ZSWIM5: variants seen among roughly 807,000 people sequenced by gnomAD.
ZSWIM5 encodes zinc finger SWIM domain-containing protein 5.
Under a neutral mutation model 119.6 loss-of-function variants are expected in ZSWIM5, and 55 were observed. The observed-to-expected ratio is 0.46, with a 90% CI of 0.37 to 0.58. The LOEUF (loss-of-function observed/expected upper bound fraction) is 0.58. Among genes scored for constraint, ZSWIM5 ranks in the 20% least tolerant of loss-of-function variants. ZSWIM5 has a pLI of 0.00. For missense variants in ZSWIM5, 1,193 were observed against 1,512.8 expected (o/e 0.79, Z 3.51); for synonymous variants, 537 against 606.9 (o/e 0.88, Z 1.69).
chr1:45,166,017 A>C (rs1163768787), intron 1 of ZSWIM5, among the ~76,000 whole-genome samples: 1 of 151,884 alleles, frequency 6.6e-6, no homozygotes, highest in Non-Finnish European at 1.5e-5. Flanking sequence ...ACAACAAAAA[A>C]AGAGAATTTT....
intron 1 of ZSWIM5, among the ~76,000 whole-genome samples, chr1:45,173,746 C>G (rs1053937762): frequency 6.6e-6 from 1 of 152,022 alleles, no homozygotes; most frequent in Admixed American, 6.6e-5. Context: ...TTTGGCAAAG[C>G]GCCCAGCACT....
At position 45,059,104 on chromosome 1, in the gene ZSWIM5, T is replaced by C. The variant is rs558499597; in HGVS notation, c.1102-345A>G. Among the ~76,000 whole-genome samples the C allele has an allele frequency of 1.4e-4, 22 of 152,286 alleles. No homozygotes were observed. In the East Asian group the frequency reaches 4.0e-3, roughly 28 times the overall value. ...AACAGACTGGCAGTTCTTCAAATGATTAAGCATAGAGTTACCATATGACCC... is the reference window on the plus strand; with the variant it reads ...AACAGACTGGCAGTTCTTCAAATGACTAAGCATAGAGTTACCATATGACCC... On this transcript the variant is annotated intron_variant, in intron 3 of 13. Coordinates refer to ENST00000359600, the MANE Select transcript of ZSWIM5 (RefSeq NM_020883.2).
chr1:45,042,275 A>G (rs192793301), intron 6 of ZSWIM5, among the ~76,000 whole-genome samples: 7 of 152,358 alleles, frequency 4.6e-5, no homozygotes, highest in Non-Finnish European at 1.0e-4. Flanking sequence ...AACCTCTCCC[A>G]CACCAGAAAC....
chr1:45,060,076 A>C (rs749099461), intron 3 of ZSWIM5, 23 bp downstream of exon 3: 60 of 1,613,616 alleles, frequency 3.7e-5, no homozygotes, highest in Non-Finnish European at 5.0e-5. Context: ...ACAACAAAAG[A>C]AAAACACCTT....
At chr1:45,163,519 ACTT>A (rs543405782) in intron 1 of ZSWIM5, among the ~76,000 whole-genome samples, 139 of 152,328 alleles carry the variant, frequency 9.1e-4, no homozygotes, top group Non-Finnish European at 1.6e-3. Flanking sequence ...GTAATAACAA[ACTT>A]CTCCGAGCTA....
At chr1:45,204,952 C>T (rs1176430254) in intron 1 of ZSWIM5, among the ~76,000 whole-genome samples, 1 of 151,878 alleles carries the variant, frequency 6.6e-6, no homozygotes, top group African/African-American at 2.4e-5. Context: ...CTAGAAGCTC[C>T]GGAGGAGTAA....
At position 45,144,472 on chromosome 1, in the gene ZSWIM5, C is replaced by T. The variant is rs145003830; in HGVS notation, c.596-56235G>A. Among the ~76,000 whole-genome samples, 704 of 152,182 alleles carry T rather than the reference C, an allele frequency of 4.6e-3. 8 individuals are homozygous for T. Among genetic ancestry groups the T allele is most frequent in the African/African-American group, 0.016 (663 of 41,530 alleles). Reference sequence around the variant, plus strand: ...TTTGCTTGAGCCCAGGAGTTTGAGGCTGCAAGTGAGCTATGATCGTGCTAC... The same window carrying T: ...TTTGCTTGAGCCCAGGAGTTTGAGGTTGCAAGTGAGCTATGATCGTGCTAC... On this transcript the variant is annotated intron_variant, in intron 1 of 13. Transcript: ENST00000359600.
intron 2 of ZSWIM5, among the ~76,000 whole-genome samples, chr1:45,085,965 A>C (rs113818814): frequency 0.021 from 3,124 of 152,226 alleles, 114 homozygotes; most frequent in African/African-American, 0.072. Flanking sequence ...AATTTTCTGT[A>C]TTGGTACATT....
At chr1:45,089,085 A>G (rs934318218) in intron 1 of ZSWIM5, among the ~76,000 whole-genome samples, 1 of 152,148 alleles carries the variant, frequency 6.6e-6, no homozygotes, top group African/African-American at 2.4e-5. Context: ...CTCAGCCTCA[A>G]GTGCAAAAAT....
intron 1 of ZSWIM5, among the ~76,000 whole-genome samples, chr1:45,113,148 T>C (rs531989866): frequency 6.6e-6 from 1 of 152,278 alleles, no homozygotes. Flanking sequence ...CTAACACTTG[T>C]TGAAAAAATA....
At chr1:45,081,459 C>T (rs569463387) in intron 2 of ZSWIM5, among the ~76,000 whole-genome samples, 29 of 152,126 alleles carry the variant, frequency 1.9e-4, no homozygotes, top group Non-Finnish European at 1.2e-4. Context: ...TGCAGGCGCG[C>T]GCCGCCACGC....
chr1:45,047,017 CAAAAAAAAAAAAA>C (rs35174853), intron 5 of ZSWIM5, among the ~76,000 whole-genome samples: 20 of 92,788 alleles, frequency 2.2e-4, no homozygotes, highest in Admixed American at 1.3e-3. Flanking sequence ...AACTCTGTCT[CAAAAAAAAAAAAA>C]AAAAAAAAGA....
chr1:45,036,400 G>A (rs1570003957), intron 8 of ZSWIM5, 101 bp from the exon 9 acceptor site: 1 of 1,474,818 alleles, frequency 6.8e-7, no homozygotes, highest in East Asian at 2.3e-5. Context: ...TGTTGTCCAG[G>A]CTGGAGTACA....
chr1:45,095,070 A>G, intron 1 of ZSWIM5, among the ~76,000 whole-genome samples: 1 of 152,182 alleles, frequency 6.6e-6, no homozygotes, highest in Non-Finnish European at 1.5e-5. Context: ...TCTAAAAGGT[A>G]AGAACTAAAA....
rs375002770 is a variant in ZSWIM5, at chr1:45,180,290, C to A, written c.595+25466G>T. On this transcript the variant is annotated intron_variant, in intron 1 of 13. Coordinates refer to ENST00000359600, the MANE Select transcript of ZSWIM5 (RefSeq NM_020883.2). ...CACACCAGGAGATTATATCCTGCACCTGGCTCGGAGGGTCCTACCCACGGA... is the reference window on the plus strand; with the variant it reads ...CACACCAGGAGATTATATCCTGCACATGGCTCGGAGGGTCCTACCCACGGA... Among the ~76,000 whole-genome samples, 30 of 152,324 alleles carry A rather than the reference C, an allele frequency of 2.0e-4. No individual in the cohort carries two copies. In the East Asian group the frequency reaches 3.1e-3, roughly 16 times the overall value.
At chr1:45,033,822 C>T (rs1174064048) in intron 11 of ZSWIM5, among the ~76,000 whole-genome samples, 10 of 151,682 alleles carry the variant, frequency 6.6e-5, no homozygotes, top group African/African-American at 2.4e-4. Flanking sequence ...TATTTGGTAT[C>T]CTACAATTAG....
chr1:45,145,339 C>T (rs1198329138), intron 1 of ZSWIM5, among the ~76,000 whole-genome samples: 3 of 141,854 alleles, frequency 2.1e-5, no homozygotes, highest in Admixed American at 7.1e-5. Flanking sequence ...TGAAAAGTTA[C>T]GTTAACAAAA....
chr1:45,027,996 A>G (rs1423478390), intron 11 of ZSWIM5, among the ~76,000 whole-genome samples: 1 of 152,250 alleles, frequency 6.6e-6, no homozygotes, highest in South Asian at 2.1e-4. Context: ...GACTACAGGC[A>G]TGTACCACCA....
intron 1 of ZSWIM5, among the ~76,000 whole-genome samples, chr1:45,125,046 TAAATATATAGAAG>T (rs140793828): frequency 0.021 from 3,137 of 152,212 alleles, 114 homozygotes; most frequent in African/African-American, 0.072. Flanking sequence ...CAACAAGGAA[TAAATATATAGAAG>T]AACTCAACAA....
Sources: gnomAD v4.1 joint callset for allele counts (sites outside exome capture counted in the v4.1 genomes callset) on GRCh38, gnomAD v4.1.1 for gene constraint, MANE v1.5 for transcripts, NCBI Gene and HGNC (gene_info 2026-07-23, HGNC 2026-07-21) for gene names.